USP47: variants seen among roughly 807,000 people sequenced by gnomAD.
USP47 encodes ubiquitin specific peptidase 47.
In USP47, 35 loss-of-function variants were observed where a neutral mutation model predicts 165.1. The observed-to-expected ratio is 0.21, with a 90% confidence interval of 0.16 to 0.28. The LOEUF (loss-of-function observed/expected upper bound fraction) is 0.28. USP47 is among the 10% of genes least tolerant of loss of function. The probability of loss-of-function intolerance (pLI) is 1.00; values close to 1 mark genes in which losing one functional copy is unlikely to be tolerated. For missense variants in USP47, 1,277 were observed against 1,607.4 expected (o/e 0.79, Z 3.52); for synonymous variants, 531 against 544.5 (o/e 0.98, Z 0.35).
chr11:11,936,452 T>A lies in USP47; in HGVS notation c.2019T>A (p.Phe673Leu). ...LLGGVKSTYM[F>L]DLLLETRKPD... ...GTGGCGTCAAGTCAACATATATGTT[T>A]GATCTGCTGTTGGAGACGAGAAAGC... The change falls in exon 17 of 28, where the codon TTT becomes TTA. Residue 673 changes from phenylalanine to leucine, a missense_variant. Around this residue, in one of 4 missense-constraint regions of USP47, gnomAD observed 909 missense variants for 1,068.1 expected, o/e 0.85. Transcript: ENST00000527733. 1 of 1,608,708 alleles carries A rather than the reference T, an allele frequency of 6.2e-7. No homozygotes were observed.
At chr11:11,943,229 A>G in intron 20 of USP47, 117 bp downstream of exon 20, 1 of 1,175,022 alleles carries the variant, frequency 8.5e-7, no homozygotes, top group Non-Finnish European at 1.2e-6. Context: ...AACTTTCTGG[A>G]TTATAAGATT....
intron 1 of USP47, among the ~76,000 whole-genome samples, chr11:11,872,826 A>G (rs986704337): frequency 9.9e-5 from 15 of 152,212 alleles, no homozygotes; most frequent in African/African-American, 3.1e-4. Context: ...TATACAAACA[A>G]GCAATGCTGT....
intron 11 of USP47, among the ~76,000 whole-genome samples, chr11:11,926,399 A>G (rs891296903): frequency 6.6e-6 from 1 of 152,104 alleles, no homozygotes; most frequent in Non-Finnish European, 1.5e-5. Flanking sequence ...TTCTTGAGTC[A>G]GCCTTCATAA....
intron 4 of USP47, among the ~76,000 whole-genome samples, chr11:11,895,600 C>A (rs1851797284): frequency 6.6e-6 from 1 of 152,200 alleles, no homozygotes; most frequent in Admixed American, 6.5e-5. Flanking sequence ...TCAACATACT[C>A]TTTCCTGTCT....
At chr11:11,879,255 A>G (rs1257596595) in intron 1 of USP47, among the ~76,000 whole-genome samples, 2 of 152,142 alleles carry the variant, frequency 1.3e-5, no homozygotes, top group African/African-American at 2.4e-5. Flanking sequence ...AAAAGGTAGA[A>G]TTGATAGGTT....
chr11:11,880,486 T>A, intron 2 of USP47, 106 bp downstream of exon 2: 2 of 848,966 alleles, frequency 2.4e-6, no homozygotes, highest in Non-Finnish European at 3.2e-6. Flanking sequence ...TAAACAAAAG[T>A]ATAACAACTA....
intron 1 of USP47, among the ~76,000 whole-genome samples, chr11:11,864,255 T>G (rs1211701600): frequency 1.3e-5 from 2 of 152,242 alleles, no homozygotes; most frequent in East Asian, 3.9e-4. Flanking sequence ...TGCCTATATG[T>G]AGTATGTGTT....
intron 1 of USP47, among the ~76,000 whole-genome samples, chr11:11,865,858 T>G (rs932895546): frequency 4.6e-5 from 7 of 152,346 alleles, no homozygotes; most frequent in African/African-American, 1.7e-4. Context: ...TTGTCCATTT[T>G]TTAATCAGGG....
chr11:11,956,951 G>A lies in USP47; in HGVS notation c.*776G>A, dbSNP rs745477274. Reference sequence around the variant, plus strand: ...ATCCTGTTGAGTTATCATAATTGCAGTTCAACTATCTGCCATGATTATTCT... The same window carrying A: ...ATCCTGTTGAGTTATCATAATTGCAATTCAACTATCTGCCATGATTATTCT... On this transcript the variant is annotated 3_prime_UTR_variant, in exon 28 of 28. Coordinates refer to ENST00000527733, the MANE Select transcript of USP47 (RefSeq NM_001282659.2). The A allele has an allele frequency of 2.0e-5, 3 of 152,152 alleles. No individual in the cohort carries two copies. The highest frequency in any genetic ancestry group is 4.4e-5 in the Non-Finnish European group (3 of 68,022). 9.4% of individuals were successfully genotyped at this position (152,152 alleles called of 1,614,324 possible).
intron 1 of USP47, among the ~76,000 whole-genome samples, chr11:11,870,563 C>A (rs1042219876): frequency 6.6e-6 from 1 of 151,974 alleles, no homozygotes; most frequent in Non-Finnish European, 1.5e-5. Context: ...TTGAGTTTTC[C>A]TTCATCTGAG....
chr11:11,859,979 C>T (rs1436941628), intron 1 of USP47, among the ~76,000 whole-genome samples: 1 of 151,656 alleles, frequency 6.6e-6, no homozygotes, highest in Non-Finnish European at 1.5e-5. Context: ...TAGCACACGC[C>T]TGTAGTTCCA....
At chr11:11,876,909 GA>G (rs959325315) in intron 1 of USP47, among the ~76,000 whole-genome samples, 28 of 147,058 alleles carry the variant, frequency 1.9e-4, no homozygotes, top group Middle Eastern at 6.9e-3. Flanking sequence ...ATGAGAAAAG[GA>G]AAAAAAAAAG....
intron 8 of USP47, among the ~76,000 whole-genome samples, chr11:11,910,149 C>T (rs1267152556): frequency 6.6e-6 from 1 of 152,090 alleles, no homozygotes; most frequent in Non-Finnish European, 1.5e-5. Flanking sequence ...TGCCCTATTC[C>T]TCCCACTAAA....
rs528615375 is a variant in USP47, at chr11:11,858,585, C to G, written c.39+16361C>G. Among the ~76,000 whole-genome samples the G allele has an allele frequency of 3.3e-4, 51 of 152,292 alleles. No individual in the cohort carries two copies. In the South Asian group the frequency reaches 0.011, roughly 32 times the overall value. On this transcript the variant is annotated intron_variant, in intron 1 of 27. Transcript: ENST00000527733. Reference sequence around the variant, plus strand: ...CTTGTAATCAGTTCTCTTCCCCTTCCTCCAGGCTCTGGCAACCACTGATCT... The same window carrying G: ...CTTGTAATCAGTTCTCTTCCCCTTCGTCCAGGCTCTGGCAACCACTGATCT...
chr11:11,901,958 CAAAAAA>C (rs34053426), intron 5 of USP47, among the ~76,000 whole-genome samples: 1 of 66,772 alleles, frequency 1.5e-5, no homozygotes, highest in Non-Finnish European at 3.1e-5. Flanking sequence ...GACTCTGTCT[CAAAAAA>C]AAAAAAAAAA....
At chr11:11,890,600 G>A (rs1166219652) in intron 3 of USP47, among the ~76,000 whole-genome samples, 1 of 152,092 alleles carries the variant, frequency 6.6e-6, no homozygotes, top group African/African-American at 2.4e-5. Flanking sequence ...AAAATAATGT[G>A]GTCATTCCTC....
chr11:11,913,143 A>G (rs1000994184), intron 8 of USP47, among the ~76,000 whole-genome samples: 5 of 151,970 alleles, frequency 3.3e-5, no homozygotes, highest in African/African-American at 9.6e-5. Flanking sequence ...TAGTCCTAGA[A>G]GTCCTAGCCA....
intron 19 of USP47, 90 bp downstream of exon 19, chr11:11,940,638 G>T: frequency 7.4e-7 from 1 of 1,357,592 alleles, no homozygotes; most frequent in South Asian, 1.3e-5. Flanking sequence ...CTCCACAGCT[G>T]TTCAACATCT....
chr11:11,939,166 A>G (rs562911844), intron 18 of USP47, among the ~76,000 whole-genome samples: 1 of 152,106 alleles, frequency 6.6e-6, no homozygotes, highest in South Asian at 2.1e-4. Flanking sequence ...ACACCAGACA[A>G]ATGATTATCA....
Sources: allele counts gnomAD v4.1 joint callset (sites outside exome capture counted in the v4.1 genomes callset), GRCh38; gene constraint gnomAD v4.1.1; regional missense constraint gnomAD v4.1.1; transcripts MANE v1.5; gene names NCBI Gene and HGNC (gene_info 2026-07-23, HGNC 2026-07-21).